Variants in DOK6 observed in about 807,000 individuals in gnomAD.
The protein encoded by DOK6 is docking protein 6.
A neutral mutation model predicts 44.0 loss-of-function variants in DOK6; 22 were observed. The ratio of observed to expected loss-of-function variants is 0.50; its 90% CI spans 0.36 to 0.71. The LOEUF (loss-of-function observed/expected upper bound fraction) is 0.71, where lower values mean the gene tolerates loss of function less well. Among genes scored for constraint, DOK6 ranks in the 30% least tolerant of loss-of-function variants. The pLI is 0.00. For synonymous variants in DOK6, 166 were observed against 145.5 expected (o/e 1.14, Z -1.01); for missense variants, 340 against 416.4 (o/e 0.82, Z 1.60).
chr18:69,756,891 C>T (rs1335819513), intron 6 of DOK6, among the ~76,000 whole-genome samples: 2 of 152,160 alleles, frequency 1.3e-5, no homozygotes, highest in African/African-American at 4.8e-5. Flanking sequence ...TAGAGGATTG[C>T]TCATTGTCTG....
At chr18:69,581,811 T>C (rs571279781) in intron 2 of DOK6, among the ~76,000 whole-genome samples, 28 of 152,342 alleles carry the variant, frequency 1.8e-4, no homozygotes, top group Admixed American at 1.6e-3. Flanking sequence ...TCAATAGGGC[T>C]TTATGTTTTC....
At chr18:69,730,293 A>G (rs775318952) in intron 5 of DOK6, among the ~76,000 whole-genome samples, 1 of 152,176 alleles carries the variant, frequency 6.6e-6, no homozygotes, top group Non-Finnish European at 1.5e-5. Context: ...ATCTACTTGT[A>G]TTTTCAGGGG....
intron 7 of DOK6, among the ~76,000 whole-genome samples, chr18:69,835,561 AC>A (rs1401789599): frequency 5.9e-5 from 9 of 151,970 alleles, no homozygotes; most frequent in Non-Finnish European, 1.0e-4. Context: ...TCTCTTCTGT[AC>A]CCAAGTCGTT....
intron 6 of DOK6, among the ~76,000 whole-genome samples, chr18:69,742,200 AG>A (rs1301520387): frequency 6.6e-6 from 1 of 152,144 alleles, no homozygotes; most frequent in Non-Finnish European, 1.5e-5. Flanking sequence ...AGATCAGCTG[AG>A]GTCAGGAGTT....
rs548251291 is a variant in DOK6, at chr18:69,508,641, T to C, written c.67-55846T>C. On this transcript the variant is annotated intron_variant, in intron 1 of 7. Coordinates refer to ENST00000382713, the MANE Select transcript of DOK6 (RefSeq NM_152721.6). ...TGGGTTACATGGTTCTAGGCAGTGA[T>C]GTAAAGACAGGGTTATTAAAATTGG... 4.6e-5 allele frequency among the ~76,000 whole-genome samples: 7 copies of C among 152,296 alleles called. No individual in the cohort carries two copies. In the South Asian group the frequency reaches 1.4e-3, roughly 32 times the overall value.
chr18:69,715,093 A>ATAC (rs1324812672), intron 5 of DOK6, among the ~76,000 whole-genome samples: 12 of 152,224 alleles, frequency 7.9e-5, no homozygotes, highest in South Asian at 2.1e-4. Context: ...CATTAAGGCC[A>ATAC]TGTAAGGAAG....
rs535076867 is a variant in DOK6, at chr18:69,661,749, C to A, written c.290-15985C>A. The stretch of plus-strand genomic sequence containing the variant: ...ATAGTTTTAATTTACTGAATTAATT[C>A]TTTAAGCTGAATATAAACACAGTTG... On this transcript the variant is annotated intron_variant, in intron 3 of 7. Transcript: ENST00000382713. The A allele has an allele frequency of 2.0e-5, 3 of 152,298 alleles. No homozygotes were observed. In the East Asian group the frequency reaches 5.8e-4, roughly 29 times the overall value. 9.4% of individuals were successfully genotyped at this position (152,298 alleles called of 1,614,324 possible).
At chr18:69,826,165 GCTCA>G (rs981173633) in intron 7 of DOK6, among the ~76,000 whole-genome samples, 1 of 152,118 alleles carries the variant, frequency 6.6e-6, no homozygotes, top group Non-Finnish European at 1.5e-5. Context: ...CACTGCTAGT[GCTCA>G]CTAAGCTTTC....
rs868856069 is a variant in DOK6, at chr18:69,594,605, A to G, written c.175-4779A>G. Among the ~76,000 whole-genome samples the G allele has an allele frequency of 7.3e-5, 11 of 149,850 alleles. 1 individual carries two copies. The South Asian group carries it at 2.3e-3, about 32-fold the overall frequency. ...GCAAACAGGCAAAAAAAAAAAAAAG[A>G]AAGAAGAAATAAAAGGCATCCAGAT... On this transcript the variant is annotated intron_variant, in intron 2 of 7. Transcript: ENST00000382713.
chr18:69,816,837 G>GA, intron 7 of DOK6, among the ~76,000 whole-genome samples: 1 of 152,340 alleles, frequency 6.6e-6, no homozygotes, highest in African/African-American at 2.4e-5. Context: ...GAGGAGAAGA[G>GA]AAGGTCAAAA....
chr18:69,683,706 G>A (rs1213266640), intron 4 of DOK6, among the ~76,000 whole-genome samples: 1 of 152,188 alleles, frequency 6.6e-6, no homozygotes. Context: ...CAAACTTCTA[G>A]CCTCCAGAAC....
At chr18:69,757,633 G>T (rs1979398917) in intron 6 of DOK6, 123 bp from the exon 7 acceptor site, 1 of 731,180 alleles carries the variant, frequency 1.4e-6, no homozygotes, top group Non-Finnish European at 2.4e-6. Flanking sequence ...TTACACCGGG[G>T]ATCATGCAGG....
chr18:69,490,420 T>C (rs761040178), intron 1 of DOK6, among the ~76,000 whole-genome samples: 4 of 152,114 alleles, frequency 2.6e-5, no homozygotes, highest in Non-Finnish European at 5.9e-5. Flanking sequence ...ACTTTAACAC[T>C]GGACTGTGGA....
At chr18:69,436,287 T>C (rs1409814324) in intron 1 of DOK6, among the ~76,000 whole-genome samples, 2 of 152,024 alleles carry the variant, frequency 1.3e-5, no homozygotes, top group African/African-American at 4.8e-5. Context: ...TCATCTACAT[T>C]AGGTATTTCT....
intron 5 of DOK6, 82 bp from the exon 6 acceptor site, chr18:69,738,883 G>C (rs1978704173): frequency 1.3e-6 from 2 of 1,548,062 alleles, no homozygotes; most frequent in Non-Finnish European, 1.8e-6. Flanking sequence ...AGGCACAAGG[G>C]CAAGGGCTTT....
chr18:69,449,517 G>A (rs1404141653), intron 1 of DOK6, among the ~76,000 whole-genome samples: 1 of 152,184 alleles, frequency 6.6e-6, no homozygotes. Flanking sequence ...AAACTTTATT[G>A]GGTCTTAAAT....
At chr18:69,663,791 T>C (rs529244240) in intron 3 of DOK6, among the ~76,000 whole-genome samples, 1 of 152,290 alleles carries the variant, frequency 6.6e-6, no homozygotes, top group East Asian at 1.9e-4. Context: ...TTAGATACTG[T>C]GTGACTCTGG....
chr18:69,512,332 CTTTTTTTTT>C (rs548031851), intron 1 of DOK6, among the ~76,000 whole-genome samples: 1 of 91,678 alleles, frequency 1.1e-5, no homozygotes, highest in Admixed American at 1.3e-4. Context: ...CTTTCTTCTT[CTTTTTTTTT>C]TTTTTTTTTT....
At chr18:69,525,739 T>G (rs954454597) in intron 1 of DOK6, among the ~76,000 whole-genome samples, 2 of 152,076 alleles carry the variant, frequency 1.3e-5, no homozygotes, top group African/African-American at 4.8e-5. Flanking sequence ...CACTGTAGCA[T>G]AAAAGTAGCC....
Sources: gnomAD v4.1 joint callset for allele counts (sites outside exome capture counted in the v4.1 genomes callset) on GRCh38, gnomAD v4.1.1 for gene constraint, MANE v1.5 for transcripts, NCBI Gene and HGNC (gene_info 2026-07-23, HGNC 2026-07-21) for gene names.